PIK3C2G: variants seen among roughly 807,000 people sequenced by gnomAD.
PIK3C2G encodes the protein phosphatidylinositol-4-phosphate 3-kinase catalytic subunit type 2 gamma.
In PIK3C2G, 168 loss-of-function variants were observed where a neutral mutation model predicts 181.1. The ratio of observed to expected loss-of-function variants is 0.93; its 90% confidence interval spans 0.82 to 1.05. The LOEUF (loss-of-function observed/expected upper bound fraction) is 1.05. PIK3C2G is among the 50% of genes least tolerant of loss of function. The pLI is 0.00. For missense variants in PIK3C2G, 1,869 were observed against 1,732.8 expected, an observed-to-expected ratio of 1.08 and a Z score of -1.40; for synonymous variants, 573 against 592.2, an observed-to-expected ratio of 0.97 and a Z score of 0.47.
At chr12:18,516,830 GTCTT>G (rs888646343) in intron 24 of PIK3C2G, among the ~76,000 whole-genome samples, 46 of 151,532 alleles carry the variant, frequency 3.0e-4, no homozygotes, top group African/African-American at 1.1e-3. Context: ...TTGTTCCTCT[GTCTT>G]TGTCAAATTT....
chr12:18,449,408 G>A (rs927244283), intron 18 of PIK3C2G, among the ~76,000 whole-genome samples: 3 of 151,924 alleles, frequency 2.0e-5, no homozygotes, highest in African/African-American at 7.3e-5. Context: ...TAGGTTTTAA[G>A]CTCCACATGC....
At chr12:18,427,190 TA>T (rs1362195016) in intron 18 of PIK3C2G, among the ~76,000 whole-genome samples, 1 of 151,802 alleles carries the variant, frequency 6.6e-6, no homozygotes, top group East Asian at 1.9e-4. Flanking sequence ...TATAAAAATA[TA>T]TAAAGTATAA....
intron 18 of PIK3C2G, among the ~76,000 whole-genome samples, chr12:18,451,943 C>A (rs2135892491): frequency 6.6e-6 from 1 of 152,304 alleles, no homozygotes; most frequent in Non-Finnish European, 1.5e-5. Context: ...AGTGGATAAG[C>A]TTTTTGATGT....
At chr12:18,564,342 T>A (rs1267012039) in intron 28 of PIK3C2G, among the ~76,000 whole-genome samples, 1 of 151,726 alleles carries the variant, frequency 6.6e-6, no homozygotes, top group Non-Finnish European at 1.5e-5. Context: ...GTTAATCAGA[T>A]GTTTTATCTA....
intron 18 of PIK3C2G, among the ~76,000 whole-genome samples, chr12:18,478,841 G>A (rs1047140474): frequency 1.3e-5 from 2 of 151,738 alleles, no homozygotes; most frequent in South Asian, 2.1e-4. Context: ...CAGACGTGGC[G>A]GCGCAAGCCT....
chr12:18,349,547 A>T (rs1241098938), intron 11 of PIK3C2G, among the ~76,000 whole-genome samples: 1 of 152,162 alleles, frequency 6.6e-6, no homozygotes, highest in African/African-American at 2.4e-5. Flanking sequence ...TCTTACTTAG[A>T]ATAATTTGAT....
intron 31 of PIK3C2G, among the ~76,000 whole-genome samples, chr12:18,639,933 T>C (rs1249368805): frequency 6.6e-6 from 1 of 151,854 alleles, no homozygotes; most frequent in Non-Finnish European, 1.5e-5. Context: ...ATTAAAGTTA[T>C]AGCTCTAATT....
intron 1 of PIK3C2G, among the ~76,000 whole-genome samples, chr12:18,254,479 T>C (rs969155962): frequency 1.3e-5 from 2 of 151,992 alleles, no homozygotes; most frequent in African/African-American, 4.8e-5. Flanking sequence ...AACATATATA[T>C]TTTATTATAA....
the PIK3C2G span, among the ~76,000 whole-genome samples, chr12:18,722,587 G>A: frequency 6.6e-6 from 1 of 151,924 alleles, no homozygotes; most frequent in Non-Finnish European, 1.5e-5. Context: ...CTTTAACAAT[G>A]TTTTGGTACC....
chr12:18,243,485 A>G (rs914036590), upstream of PIK3C2G, among the ~76,000 whole-genome samples: 6 of 152,024 alleles, frequency 3.9e-5, no homozygotes, highest in Non-Finnish European at 7.4e-5. Flanking sequence ...GTACAATTCA[A>G]ATTCAAAGAA....
intron 18 of PIK3C2G, among the ~76,000 whole-genome samples, chr12:18,441,480 G>A (rs558782521): frequency 6.6e-5 from 10 of 152,150 alleles, no homozygotes; most frequent in South Asian, 2.1e-4. Context: ...TTGATGAGAC[G>A]GAAGAAAGAA....
At chr12:18,651,076 C>T (rs1950494582), downstream of PIK3C2G, among the ~76,000 whole-genome samples, 1 of 151,852 alleles carries the variant, frequency 6.6e-6, no homozygotes, top group East Asian at 1.9e-4. Context: ...TGTGATCTGA[C>T]CTCCCATCCT....
At chr12:18,655,411 T>A in the PIK3C2G span, among the ~76,000 whole-genome samples, 1 of 152,156 alleles carries the variant, frequency 6.6e-6, no homozygotes, top group Non-Finnish European at 1.5e-5. Context: ...TATAAATGAA[T>A]AAATAAATAA....
At chr12:18,512,428 T>A (rs1942269723) in intron 24 of PIK3C2G, among the ~76,000 whole-genome samples, 1 of 152,098 alleles carries the variant, frequency 6.6e-6, no homozygotes, top group Admixed American at 6.6e-5. Context: ...AAATATTAAT[T>A]CTTCCAATCC....
At chr12:18,536,325 A>G (rs1162248442) in intron 24 of PIK3C2G, among the ~76,000 whole-genome samples, 3 of 152,090 alleles carry the variant, frequency 2.0e-5, no homozygotes, top group African/African-American at 4.8e-5. Flanking sequence ...AGTGCTTACT[A>G]CATGCTAGGC....
At chr12:18,428,290 A>T (rs1325257208) in intron 18 of PIK3C2G, among the ~76,000 whole-genome samples, 1 of 150,624 alleles carries the variant, frequency 6.6e-6, no homozygotes, top group Non-Finnish European at 1.5e-5. Flanking sequence ...ACGATTCATG[A>T]AAAAAAAATA....
chr12:18,279,320 G>A (rs17474917), intron 1 of PIK3C2G, among the ~76,000 whole-genome samples: 12,668 of 152,010 alleles, frequency 0.083, 654 homozygotes, highest in South Asian at 0.12. Context: ...GTTAAAACAT[G>A]TGAATATCTA....
intron 16 of PIK3C2G, among the ~76,000 whole-genome samples, chr12:18,411,088 T>G (rs1944843949): frequency 6.6e-6 from 1 of 152,190 alleles, no homozygotes; most frequent in African/African-American, 2.4e-5. Context: ...ATATCATGAC[T>G]GGGTCAATGT....
intron 18 of PIK3C2G, among the ~76,000 whole-genome samples, chr12:18,465,177 T>C (rs1937724544): frequency 6.6e-6 from 1 of 151,948 alleles, no homozygotes; most frequent in Non-Finnish European, 1.5e-5. Flanking sequence ...AAAAACCTTT[T>C]GGAAGTTCTT....
Sources: allele counts gnomAD v4.1 joint callset (sites outside exome capture counted in the v4.1 genomes callset), GRCh38; gene constraint gnomAD v4.1.1; transcripts MANE v1.5; gene names NCBI Gene and HGNC (gene_info 2026-07-23, HGNC 2026-07-21).